GPHN: variants seen among roughly 807,000 people sequenced by gnomAD.
GPHN encodes gephyrin.
GPHN carries 17 observed loss-of-function variants against 95.5 expected under a neutral mutation model. The ratio of observed to expected loss-of-function variants is 0.18; its 90% confidence interval spans 0.12 to 0.27. The LOEUF (loss-of-function observed/expected upper bound fraction) is 0.27, where lower values mean the gene tolerates loss of function less well. GPHN is among the 10% of genes least tolerant of loss of function. The pLI is 1.00. For missense variants in GPHN, 660 were observed against 978.1 expected (o/e 0.67, Z 4.34); for synonymous variants, 320 against 322.5 (o/e 0.99, Z 0.08).
At chr14:67,085,354 A>G (rs989385753) in intron 11 of GPHN, among the ~76,000 whole-genome samples, 8 of 152,236 alleles carry the variant, frequency 5.3e-5, no homozygotes, top group Admixed American at 1.3e-4. Flanking sequence ...CCAAATTGTC[A>G]GTGAGACCTT....
chr14:66,743,512 G>A (rs190526193), intron 2 of GPHN, among the ~76,000 whole-genome samples: 33 of 152,098 alleles, frequency 2.2e-4, no homozygotes, highest in Middle Eastern at 3.4e-3. Context: ...CGAGGCGGGC[G>A]GATCACGAGG....
At chr14:67,329,875 T>G in the GPHN span, among the ~76,000 whole-genome samples, 1 of 118,408 alleles carries the variant, frequency 8.4e-6, no homozygotes, top group East Asian at 4.8e-4. Flanking sequence ...AATAAATAAA[T>G]AAATAGATAT....
chr14:66,827,465 C>T (rs575863137), intron 4 of GPHN, among the ~76,000 whole-genome samples: 2 of 152,170 alleles, frequency 1.3e-5, no homozygotes, highest in African/African-American at 4.8e-5. Flanking sequence ...CATTTAACCA[C>T]TCTGTGCCTT....
chr14:67,323,650 G>A, the GPHN span: 1 of 631,812 alleles, frequency 1.6e-6, no homozygotes, highest in Non-Finnish European at 2.7e-6. Flanking sequence ...GTATTATTAG[G>A]AAGTAATTAA....
intron 8 of GPHN, among the ~76,000 whole-genome samples, chr14:66,963,411 A>T (rs756338261): frequency 1.5e-4 from 23 of 152,068 alleles, no homozygotes; most frequent in Admixed American, 9.2e-4. Flanking sequence ...TATTGGACAT[A>T]AAATAGTAGC....
the GPHN span, among the ~76,000 whole-genome samples, chr14:67,535,608 G>A: frequency 2.0e-5 from 3 of 151,986 alleles, no homozygotes; most frequent in African/African-American, 7.2e-5. Context: ...TTGAACTCCT[G>A]ACCTCAGGTA....
At chr14:67,470,350 C>G in the GPHN span, 1 of 152,356 alleles carries the variant, frequency 6.6e-6, no homozygotes, top group East Asian at 1.9e-4. Flanking sequence ...ACAGAGCAGG[C>G]AATGGGCGCA....
the GPHN span, chr14:67,395,676 G>T: frequency 1.1e-6 from 1 of 948,536 alleles, no homozygotes; most frequent in Non-Finnish European, 1.6e-6. Flanking sequence ...GAATCTAGGT[G>T]ACAGTGACTG....
At chr14:67,029,617 G>A (rs1228251328) in intron 10 of GPHN, among the ~76,000 whole-genome samples, 2 of 152,184 alleles carry the variant, frequency 1.3e-5, no homozygotes, top group African/African-American at 4.8e-5. Context: ...GATTACAGGC[G>A]TGAGCCACTG....
the GPHN span, chr14:67,592,711 A>C: frequency 6.3e-7 from 1 of 1,589,982 alleles, no homozygotes; most frequent in Non-Finnish European, 8.6e-7. Context: ...GTAGTAAATC[A>C]CCTTCTGCTG....
intron 1 of GPHN, among the ~76,000 whole-genome samples, chr14:66,603,510 G>A (rs1042622767): frequency 2.0e-5 from 3 of 151,806 alleles, no homozygotes; most frequent in Non-Finnish European, 4.4e-5. Context: ...GTGATCTTCA[G>A]CAGTAGGACA....
At chr14:67,076,370 G>A (rs2076493278) in intron 11 of GPHN, among the ~76,000 whole-genome samples, 1 of 152,256 alleles carries the variant, frequency 6.6e-6, no homozygotes, top group Middle Eastern at 3.4e-3. Context: ...GAAAATTGGT[G>A]TAAATCACTG....
chr14:66,641,294 C>G (rs1471309497), intron 1 of GPHN, among the ~76,000 whole-genome samples: 3 of 152,156 alleles, frequency 2.0e-5, no homozygotes, highest in Non-Finnish European at 2.9e-5. Context: ...TGGGCAGTAG[C>G]AGCAAGCTGC....
chr14:67,667,804 C>A, the GPHN span, among the ~76,000 whole-genome samples: 10 of 152,008 alleles, frequency 6.6e-5, no homozygotes, highest in Non-Finnish European at 1.2e-4. Flanking sequence ...CTTAGCCCGG[C>A]GTGGTGGTGG....
At chr14:66,712,384 T>G (rs1231601143) in intron 2 of GPHN, among the ~76,000 whole-genome samples, 1 of 152,234 alleles carries the variant, frequency 6.6e-6, no homozygotes, top group Non-Finnish European at 1.5e-5. Flanking sequence ...CATAAATGTC[T>G]TCTTCTGAGA....
the GPHN span, chr14:67,724,546 A>G: frequency 6.2e-6 from 10 of 1,614,082 alleles, no homozygotes; most frequent in Non-Finnish European, 8.5e-6. Context: ...CACTGGCGCC[A>G]ACACGGGCAT....
chr14:66,763,637 T>C (rs1300833065), intron 2 of GPHN, among the ~76,000 whole-genome samples: 1 of 151,902 alleles, frequency 6.6e-6, no homozygotes, highest in Non-Finnish European at 1.5e-5. Context: ...ATCCAGTCTA[T>C]CATTGTTGGA....
chr14:66,604,044 G>A (rs2062390894), intron 1 of GPHN, among the ~76,000 whole-genome samples: 3 of 152,080 alleles, frequency 2.0e-5, no homozygotes, highest in Admixed American at 1.3e-4. Context: ...ATCAGAGTAA[G>A]CACTTTAATT....
intron 5 of GPHN, among the ~76,000 whole-genome samples, chr14:66,913,105 C>T (rs2065747677): frequency 6.6e-6 from 1 of 152,170 alleles, no homozygotes; most frequent in East Asian, 1.9e-4. Flanking sequence ...CCAACAAATT[C>T]CTGTATGATG....
Sources: gnomAD v4.1 joint callset for allele counts (sites outside exome capture counted in the v4.1 genomes callset) on GRCh38, gnomAD v4.1.1 for gene constraint, MANE v1.5 for transcripts, NCBI Gene and HGNC (gene_info 2026-07-23, HGNC 2026-07-21) for gene names.